SOX13: variants seen among roughly 807,000 people sequenced by gnomAD.
SOX13 encodes the protein SRY-box transcription factor 13.
A neutral mutation model predicts 71.8 loss-of-function variants in SOX13; 28 were observed. The ratio of observed to expected loss-of-function variants is 0.39; its 90% CI spans 0.29 to 0.53. The LOEUF (loss-of-function observed/expected upper bound fraction) is 0.53. Among genes scored for constraint, SOX13 ranks in the 20% least tolerant of loss-of-function variants. The pLI, the probability that SOX13 is intolerant of heterozygous loss-of-function variation, is 0.70. For missense variants in SOX13, 627 were observed against 810.3 expected (o/e 0.77, Z 2.75); for synonymous variants, 309 against 317.8 (o/e 0.97, Z 0.29).
Position 204,126,075 on chromosome 1 carries a change from G to A in SOX13, c.1810G>A (p.Asp604Asn). 1 of 1,614,028 alleles carries A rather than the reference G, an allele frequency of 6.2e-7. No homozygotes were observed. Among genetic ancestry groups the A allele is most frequent in the Non-Finnish European group, 8.5e-7 (1 of 1,179,896 alleles). Reference sequence around the variant, plus strand: ...TGGCGAGATGTACCGGTACAGCGAGGACGAGGACTCGGAGGGCGAAGAGAA... The same window carrying A: ...TGGCGAGATGTACCGGTACAGCGAGAACGAGGACTCGGAGGGCGAAGAGAA... ...ADGEMYRYSE[D>N]EDSEGEEKSD... Residue 604 changes from aspartate to asparagine, a missense_variant, in exon 14 of 14, where the codon GAC becomes AAC. Coordinates refer to ENST00000367204, the MANE Select transcript of SOX13 (RefSeq NM_005686.3).
intron 4 of SOX13, chr1:204,116,168 GGA>G: frequency 1.3e-5 from 17 of 1,267,708 alleles, no homozygotes; most frequent in Admixed American, 5.6e-5. Flanking sequence ...CCCTCCGATG[GGA>G]TGGTTGTCCA....
intron 7 of SOX13, chr1:204,119,064 C>T (rs992459226): frequency 6.6e-6 from 1 of 152,238 alleles, no homozygotes; most frequent in African/African-American, 2.4e-5. Context: ...GATCATCCTC[C>T]CTGTTCCACA....
chr1:204,092,340 A>G (rs1656165100), intron 1 of SOX13, among the ~76,000 whole-genome samples: 1 of 151,198 alleles, frequency 6.6e-6, no homozygotes, highest in African/African-American at 2.4e-5. Flanking sequence ...TTTTTGAGAC[A>G]AGGTTTTGCT....
chr1:204,087,456 C>G (rs1656049903), intron 1 of SOX13, among the ~76,000 whole-genome samples: 1 of 152,188 alleles, frequency 6.6e-6, no homozygotes, highest in Non-Finnish European at 1.5e-5. Context: ...GGCAGTAGGC[C>G]CCCCTGTCCC....
At chr1:204,121,089 C>T (rs924852312) in intron 7 of SOX13, among the ~76,000 whole-genome samples, 2 of 151,678 alleles carry the variant, frequency 1.3e-5, no homozygotes, top group Admixed American at 1.3e-4. Flanking sequence ...AAGCGATTCT[C>T]CTGCCTCAGC....
intron 1 of SOX13, among the ~76,000 whole-genome samples, chr1:204,098,135 A>G (rs910371081): frequency 3.9e-5 from 6 of 152,214 alleles, no homozygotes; most frequent in Non-Finnish European, 8.8e-5. Context: ...TGCTGGGATT[A>G]CAGATGTGAG....
At chr1:204,079,343 A>ATTTT (rs746260553) in intron 1 of SOX13, among the ~76,000 whole-genome samples, 6 of 110,818 alleles carry the variant, frequency 5.4e-5, no homozygotes, top group Admixed American at 1.9e-4. Flanking sequence ...AGCATAGAAC[A>ATTTT]TTTTTTTTTT....
intron 1 of SOX13, among the ~76,000 whole-genome samples, chr1:204,096,083 G>C (rs932150957): frequency 1.6e-4 from 25 of 152,060 alleles, no homozygotes; most frequent in African/African-American, 5.8e-4. Flanking sequence ...ATGGACACTT[G>C]AGTTGTTTCC....
At chr1:204,074,654 CT>C (rs1316042115) in intron 1 of SOX13, among the ~76,000 whole-genome samples, 9 of 152,330 alleles carry the variant, frequency 5.9e-5, no homozygotes. Flanking sequence ...CAGGACTTAA[CT>C]GGAGCTGGAG....
chr1:204,074,781 TG>T (rs1262388489), intron 1 of SOX13, among the ~76,000 whole-genome samples: 2 of 152,104 alleles, frequency 1.3e-5, no homozygotes, highest in Non-Finnish European at 2.9e-5. Flanking sequence ...CCCCGAGCGC[TG>T]GAGCGGCGGC....
At chr1:204,125,286 C>G (rs1211239125) in intron 13 of SOX13, among the ~76,000 whole-genome samples, 2 of 152,158 alleles carry the variant, frequency 1.3e-5, no homozygotes, top group Non-Finnish European at 2.9e-5. Context: ...CAATTTCTGC[C>G]TGGTATAGTG....
chr1:204,122,359 C>A lies in SOX13; in HGVS notation c.984C>A (p.Pro328=). 1 of 1,563,664 alleles carries A rather than the reference C, an allele frequency of 6.4e-7. No individual in the cohort carries two copies. Among genetic ancestry groups the A allele is most frequent in the Non-Finnish European group, 8.7e-7 (1 of 1,153,826 alleles). ...CVPRPPSHGG[P]TRDLQSSPPS... is the part of the protein sequence containing the mutation. ...CCCGCCCCCCCAGCCATGGAGGCCC[C>A]ACGCGGGACCTGCAGTCCAGCCCCC... Residue 328 remains proline, a synonymous_variant, in exon 9 of 14, where the codon CCC becomes CCA. Transcript: ENST00000367204.
At chr1:204,089,840 G>T (rs990146326) in intron 1 of SOX13, among the ~76,000 whole-genome samples, 10 of 152,192 alleles carry the variant, frequency 6.6e-5, no homozygotes, top group African/African-American at 2.4e-4. Context: ...CACCTGTCAC[G>T]TAAGTTGGTC....
chr1:204,117,116 T>C lies in SOX13; in HGVS notation c.592-6T>C. 1 of 1,613,554 alleles carries C rather than the reference T, an allele frequency of 6.2e-7. No individual in the cohort carries two copies. The highest frequency in any genetic ancestry group is 1.3e-5 in the African/African-American group (1 of 74,946). On this transcript the variant is annotated splice_region_variant and splice_polypyrimidine_tract_variant and intron_variant, in intron 5 of 13. Coordinates refer to ENST00000367204, the MANE Select transcript of SOX13 (RefSeq NM_005686.3). ...ACCCCCTCTGCCTACTCTTTCCCTC[T>C]CCCAGATTGCAAAGCAGCAGCAGCA...
At chr1:204,115,491 TTAAAAAAA>T (rs1478171921) in intron 4 of SOX13, among the ~76,000 whole-genome samples, 5 of 95,812 alleles carry the variant, frequency 5.2e-5, no homozygotes, top group Non-Finnish European at 8.2e-5. Flanking sequence ...TTTTTTTTTT[TTAAAAAAA>T]AAAAAAAAAA....
In SOX13 at chr1:204,100,107, T is replaced by G. The variant is rs537432397; in HGVS notation, c.-1-12808T>G. 2.6e-5 allele frequency among the ~76,000 whole-genome samples: 4 copies of G among 152,340 alleles called. No homozygotes were observed. The South Asian group carries it at 8.3e-4, about 32-fold the overall frequency. On this transcript the variant is annotated intron_variant, in intron 1 of 13. Transcript: ENST00000367204. ...GTGAGCTGTGATTGTGCCACTGTACTCCAGCCTGGGTGACAGAGTGAGACC... is the reference window on the plus strand; with the variant it reads ...GTGAGCTGTGATTGTGCCACTGTACGCCAGCCTGGGTGACAGAGTGAGACC...
rs1656918128 is a variant in SOX13 at position 204,126,136 on chromosome 1, C to T, written c.*2C>T. 2.5e-6 allele frequency: 4 copies of T among 1,612,578 alleles called. No homozygotes were observed. In the South Asian group the frequency reaches 3.3e-5, roughly 13 times the overall value. On this transcript the variant is annotated 3_prime_UTR_variant, in exon 14 of 14. Transcript: ENST00000367204. ...GAGTTGGTGGTGCTCACAGACTGAT[C>T]CCGGCTGGGTGGGCCTGGCCCCTTC... is the stretch of plus-strand genomic sequence containing the variant.
chr1:204,104,086 C>T (rs1656410379), intron 1 of SOX13, among the ~76,000 whole-genome samples: 1 of 152,218 alleles, frequency 6.6e-6, no homozygotes, highest in African/African-American at 2.4e-5. Context: ...TCAGCTGAGT[C>T]CCGGCAGCCA....
intron 1 of SOX13, among the ~76,000 whole-genome samples, chr1:204,080,961 G>A (rs1655893933): frequency 6.7e-6 from 1 of 149,128 alleles, no homozygotes; most frequent in Non-Finnish European, 1.5e-5. Context: ...CCAGGCTGGA[G>A]TATGCAATGG....
Sources: allele counts gnomAD v4.1 joint callset (sites outside exome capture counted in the v4.1 genomes callset), GRCh38; gene constraint gnomAD v4.1.1; transcripts MANE v1.5; gene names NCBI Gene and HGNC (gene_info 2026-07-23, HGNC 2026-07-21).